The following AFF3 variants were observed in gnomAD, a reference collection of about 807,000 sequenced individuals.
AFF3 encodes the protein ALF transcription elongation factor 3.
AFF3 carries 32 observed loss-of-function variants against 129.7 expected under a neutral mutation model. The observed-to-expected ratio is 0.25, with a 90% CI of 0.19 to 0.33. The LOEUF is 0.33. AFF3 is among the 10% of genes least tolerant of loss of function. The pLI is 1.00. For missense variants in AFF3, 1,373 were observed against 1,592.0 expected (o/e 0.86, Z 2.34); for synonymous variants, 644 against 635.4 (o/e 1.01, Z -0.20).
At chr2:100,017,075 G>T (rs1265639964) in intron 4 of AFF3, among the ~76,000 whole-genome samples, 1 of 152,008 alleles carries the variant, frequency 6.6e-6, no homozygotes, top group African/African-American at 2.4e-5. Context: ...AATGGTGTTG[G>T]TGGTGGTGAA....
chr2:99,976,547 T>C (rs763137656), intron 7 of AFF3, among the ~76,000 whole-genome samples: 10 of 152,196 alleles, frequency 6.6e-5, no homozygotes, highest in African/African-American at 9.7e-5. Context: ...AAGGAATCCT[T>C]ACTAAAGAAT....
Position 100,008,929 on chromosome 2 carries a change from G to C in AFF3, c.57C>G (p.Val19=). The change falls in exon 5 of 25, where the codon GTC becomes GTG. Residue 19 remains valine (V), a synonymous_variant. Transcript: ENST00000672756. The part of the protein sequence containing the change: ...LQEWDLESLC[V]YEPDRNALRR... ...GTAATGCATTTCTATCTGGTTCATAGACACTGCATCAGGAAAAAGAAGAGA... is the reference window on the plus strand; with the variant it reads ...GTAATGCATTTCTATCTGGTTCATACACACTGCATCAGGAAAAAGAAGAGA... 2 of 1,613,728 alleles carry C rather than the reference G, an allele frequency of 1.2e-6. No homozygotes were observed. The highest frequency in any genetic ancestry group is 8.5e-7 in the Non-Finnish European group (1 of 1,179,858).
intron 11 of AFF3, among the ~76,000 whole-genome samples, chr2:99,676,657 A>G (rs1317649936): frequency 6.6e-6 from 1 of 152,194 alleles, no homozygotes; most frequent in Non-Finnish European, 1.5e-5. Context: ...ATGTGGATAA[A>G]CAAGTTGAGA....
chr2:99,763,799 T>C (rs1682801960), intron 8 of AFF3, among the ~76,000 whole-genome samples: 1 of 152,168 alleles, frequency 6.6e-6, no homozygotes, highest in African/African-American at 2.4e-5. Context: ...GTTTCTTCAA[T>C]CTGAAAACCC....
chr2:99,623,268 T>C (rs1048345358), intron 13 of AFF3, among the ~76,000 whole-genome samples: 1 of 151,514 alleles, frequency 6.6e-6, no homozygotes, highest in African/African-American at 2.4e-5. Context: ...CAGTGCAAAA[T>C]GCAAATGAGA....
intron 12 of AFF3, among the ~76,000 whole-genome samples, chr2:99,654,236 C>T (rs571157866): frequency 6.6e-6 from 1 of 152,234 alleles, no homozygotes; most frequent in African/African-American, 2.4e-5. Context: ...TGCAGTCACT[C>T]TACATCATTA....
intron 4 of AFF3, among the ~76,000 whole-genome samples, chr2:100,037,060 T>C (rs777580176): frequency 7.2e-5 from 11 of 151,986 alleles, no homozygotes; most frequent in Admixed American, 3.3e-4. Flanking sequence ...CGTCCTCTAA[T>C]CAGTAATTCT....
chr2:99,716,949 C>G (rs555013745), intron 11 of AFF3, among the ~76,000 whole-genome samples: 1 of 152,224 alleles, frequency 6.6e-6, no homozygotes, highest in Non-Finnish European at 1.5e-5. Context: ...CCTCTCACAG[C>G]AACCCCTGTT....
intron 7 of AFF3, among the ~76,000 whole-genome samples, chr2:99,887,713 C>T (rs1056915853): frequency 5.3e-5 from 8 of 152,172 alleles, no homozygotes; most frequent in Admixed American, 1.3e-4. Context: ...CATTAAACTA[C>T]GCTAGTAGAT....
At chr2:99,703,244 C>G (rs932807570) in intron 11 of AFF3, among the ~76,000 whole-genome samples, 1 of 152,148 alleles carries the variant, frequency 6.6e-6, no homozygotes, top group Non-Finnish European at 1.5e-5. Flanking sequence ...CTCATGGCCC[C>G]TTTTTCCATC....
chr2:100,014,566 C>G (rs2104798967), intron 4 of AFF3, among the ~76,000 whole-genome samples: 1 of 152,210 alleles, frequency 6.6e-6, no homozygotes, highest in East Asian at 1.9e-4. Context: ...ACAATGTGAG[C>G]AGCCTGTGGT....
chr2:99,627,770 A>G (rs556450775), intron 13 of AFF3, among the ~76,000 whole-genome samples: 1 of 152,344 alleles, frequency 6.6e-6, no homozygotes, highest in African/African-American at 2.4e-5. Context: ...GAAGGGGTCC[A>G]ATTTCAATCT....
At chr2:99,895,366 G>A (rs1420225932) in intron 7 of AFF3, among the ~76,000 whole-genome samples, 6 of 152,282 alleles carry the variant, frequency 3.9e-5, no homozygotes, top group Admixed American at 2.0e-4. Flanking sequence ...AAGTTGAACC[G>A]CAATTCAGAA....
Position 100,071,101 on chromosome 2 carries a change from C to G in AFF3, c.53+33301G>C, listed in dbSNP as rs372097644. On this transcript the variant is annotated intron_variant, in intron 4 of 24. Coordinates refer to ENST00000672756, the MANE Select transcript of AFF3 (RefSeq NM_001386135.1). The stretch of plus-strand genomic sequence containing the variant: ...ACTCAAATATTTGTTTAAAATTACT[C>G]TACATTTCAGAAGTTGTGGCATTAA... 3.3e-5 allele frequency among the ~76,000 whole-genome samples: 5 copies of G among 151,606 alleles called. No homozygotes were observed. The East Asian group carries it at 7.8e-4, about 24-fold the overall frequency.
intron 7 of AFF3, among the ~76,000 whole-genome samples, chr2:99,908,179 T>C (rs79228468): frequency 0.026 from 3,972 of 152,282 alleles, 166 homozygotes; most frequent in African/African-American, 0.088. Context: ...ACTCATGTCA[T>C]TGATCAAGAG....
At chr2:99,631,277 C>T (rs1683093677) in intron 13 of AFF3, among the ~76,000 whole-genome samples, 1 of 152,264 alleles carries the variant, frequency 6.6e-6, no homozygotes, top group Admixed American at 6.5e-5. Context: ...CCTGTCATGA[C>T]ACCCAATCCA....
chr2:99,901,048 A>G (rs973917372), intron 7 of AFF3, among the ~76,000 whole-genome samples: 36 of 152,266 alleles, frequency 2.4e-4, no homozygotes, highest in Non-Finnish European at 8.8e-5. Context: ...CTGTGTGCGT[A>G]CATGCATGTG....
intron 8 of AFF3, among the ~76,000 whole-genome samples, chr2:99,765,409 T>C (rs1558828904): frequency 1.3e-5 from 2 of 152,214 alleles, no homozygotes; most frequent in Admixed American, 6.5e-5. Flanking sequence ...CCTGTCGCAA[T>C]TGCAGAGAAG....
At chr2:99,564,022 G>T (rs922714772) in intron 20 of AFF3, among the ~76,000 whole-genome samples, 8 of 152,042 alleles carry the variant, frequency 5.3e-5, no homozygotes, top group African/African-American at 1.9e-4. Flanking sequence ...TGGCTGGCAT[G>T]GTTTTTTGTT....
Sources: gnomAD v4.1 joint callset for allele counts (sites outside exome capture counted in the v4.1 genomes callset) on GRCh38, gnomAD v4.1.1 for gene constraint, MANE v1.5 for transcripts, NCBI Gene and HGNC (gene_info 2026-07-23, HGNC 2026-07-21) for gene names.